PHF24: variants seen among roughly 807,000 people sequenced by gnomAD.
PHF24 encodes the protein Galpha inhibitory interacting protein.
Under a neutral mutation model 42.6 loss-of-function variants are expected in PHF24, and 25 were observed. The observed-to-expected ratio is 0.59, with a 90% CI of 0.43 to 0.82. PHF24 has a LOEUF of 0.82. PHF24 is among the 40% of genes least tolerant of loss of function. The pLI, the probability that PHF24 is intolerant of heterozygous loss-of-function variation, is 0.00. For missense variants in PHF24, 470 were observed against 538.1 expected (o/e 0.87, Z 1.25); for synonymous variants, 185 against 204.8 (o/e 0.90, Z 0.83).
At chr9:34,738,354 T>A in the PHF24 span, among the ~76,000 whole-genome samples, 2 of 152,192 alleles carry the variant, frequency 1.3e-5, no homozygotes, top group African/African-American at 2.4e-5. Flanking sequence ...TTTAATTTTT[T>A]TTTTTATTTT....
the PHF24 span, among the ~76,000 whole-genome samples, chr9:34,701,062 G>T: frequency 6.6e-6 from 1 of 152,154 alleles, no homozygotes; most frequent in African/African-American, 2.4e-5. This position sits in a 1 kb window ranked among gnomAD's most constrained non-coding sequence, Gnocchi z 5.8. Flanking sequence ...CGTTTATACA[G>T]GGTTCTTGGT....
the PHF24 span, among the ~76,000 whole-genome samples, chr9:34,911,525 T>TTTCTAA: frequency 1.3e-5 from 2 of 152,232 alleles, no homozygotes; most frequent in South Asian, 4.1e-4. Context: ...GTGCCGGGAT[T>TTTCTAA]ACAGGCGTGA....
chr9:34,724,468 T>C, the PHF24 span: 1 of 1,551,708 alleles, frequency 6.4e-7, no homozygotes, highest in South Asian at 1.2e-5. Context: ...TCTGTGTGGA[T>C]ATGTTCTCTG....
At chr9:34,972,127 C>T (rs1392784800) in intron 2 of PHF24, among the ~76,000 whole-genome samples, 1 of 152,176 alleles carries the variant, frequency 6.6e-6, no homozygotes, top group African/African-American at 2.4e-5. Flanking sequence ...CTAGTAGCTC[C>T]CTGTTCATAA....
the PHF24 span, among the ~76,000 whole-genome samples, chr9:34,939,630 A>G: frequency 6.6e-6 from 1 of 152,252 alleles, no homozygotes; most frequent in Non-Finnish European, 1.5e-5. Flanking sequence ...GAAGCAGACC[A>G]TGAGAAGCAT....
chr9:34,746,437 C>T, the PHF24 span, among the ~76,000 whole-genome samples: 6 of 152,126 alleles, frequency 3.9e-5, no homozygotes, highest in Non-Finnish European at 8.8e-5. Context: ...ACTAAATCCA[C>T]ATATAAAATC....
chr9:34,713,503 C>G, the PHF24 span, among the ~76,000 whole-genome samples: 28 of 150,096 alleles, frequency 1.9e-4, no homozygotes, highest in South Asian at 4.2e-3. Context: ...CAAGTACCAC[C>G]CCCCCTGCTT....
chr9:34,874,178 A>G, the PHF24 span, among the ~76,000 whole-genome samples: 1 of 152,046 alleles, frequency 6.6e-6, no homozygotes, highest in African/African-American at 2.4e-5. Flanking sequence ...CTAATTGAAT[A>G]CCCTTTATTT....
the PHF24 span, among the ~76,000 whole-genome samples, chr9:34,913,097 T>C: frequency 3.3e-5 from 5 of 151,236 alleles, no homozygotes; most frequent in Admixed American, 3.3e-4. Context: ...GACTGACCAA[T>C]CCACGAACTT....
At chr9:34,723,174 G>A in the PHF24 span, 1 of 1,491,146 alleles carries the variant, frequency 6.7e-7, no homozygotes, top group Non-Finnish European at 8.9e-7. Flanking sequence ...TCTTTTTCAT[G>A]GCTCTGCATG....
the PHF24 span, among the ~76,000 whole-genome samples, chr9:34,675,278 G>T: frequency 6.6e-6 from 1 of 152,158 alleles, no homozygotes; most frequent in South Asian, 2.1e-4. Flanking sequence ...CAACCTCATG[G>T]GGCCTGCAGA....
the PHF24 span, among the ~76,000 whole-genome samples, chr9:34,879,294 G>A: frequency 4.6e-5 from 7 of 152,258 alleles, no homozygotes; most frequent in East Asian, 1.3e-3. Context: ...AAAAATCAGA[G>A]CACCCCTTCT....
At chr9:34,773,072 C>A in the PHF24 span, among the ~76,000 whole-genome samples, 1 of 151,472 alleles carries the variant, frequency 6.6e-6, no homozygotes, top group Admixed American at 6.6e-5. Flanking sequence ...CTCACCGCAA[C>A]CTCCGCCTCG....
At chr9:34,690,228 C>T in the PHF24 span, 1 of 1,614,166 alleles carries the variant, frequency 6.2e-7, no homozygotes, top group Admixed American at 1.7e-5. Context: ...AGGCACCCTG[C>T]AGCCATCCTT....
At chr9:34,891,491 C>T in the PHF24 span, among the ~76,000 whole-genome samples, 1 of 152,226 alleles carries the variant, frequency 6.6e-6, no homozygotes, top group Non-Finnish European at 1.5e-5. Context: ...CCACTAGCTT[C>T]TGGTGCTGCA....
the PHF24 span, among the ~76,000 whole-genome samples, chr9:34,736,009 T>G: frequency 1.3e-5 from 2 of 151,888 alleles, no homozygotes. Flanking sequence ...ATTCTGGAAA[T>G]AGTAAGTATA....
At chr9:34,875,861 G>C in the PHF24 span, among the ~76,000 whole-genome samples, 1 of 149,832 alleles carries the variant, frequency 6.7e-6, no homozygotes, top group Non-Finnish European at 1.5e-5. Context: ...CTCATTTCAA[G>C]AACCTCCTAG....
At chr9:34,723,692 C>A in the PHF24 span, 1 of 1,551,582 alleles carries the variant, frequency 6.4e-7, no homozygotes, top group East Asian at 2.4e-5. Context: ...CAAAGTTTGG[C>A]CCTGCAAAGG....
the PHF24 span, among the ~76,000 whole-genome samples, chr9:34,865,659 A>T: frequency 1.3e-5 from 2 of 152,210 alleles, no homozygotes; most frequent in Admixed American, 1.3e-4. Flanking sequence ...ATACACAAAA[A>T]GTAAAATGCA....
Sources: allele counts gnomAD v4.1 joint callset (sites outside exome capture counted in the v4.1 genomes callset), GRCh38; gene constraint gnomAD v4.1.1; non-coding constraint Gnocchi (gnomAD v3.1); transcripts MANE v1.5; gene names NCBI Gene and HGNC (gene_info 2026-07-23, HGNC 2026-07-21).